TMEM237: variants seen among roughly 807,000 people sequenced by gnomAD.
TMEM237 encodes the protein transmembrane protein 237.
In TMEM237, 51 loss-of-function variants were observed where a neutral mutation model predicts 59.1. That is an observed-to-expected ratio of 0.86 (90% CI 0.69 to 1.09). The LOEUF (loss-of-function observed/expected upper bound fraction) is 1.09. Ranked by LOEUF, TMEM237 falls within the 50% of genes least tolerant of loss-of-function variation. The pLI is 0.00. For synonymous variants in TMEM237, 140 were observed against 166.1 expected, an observed-to-expected ratio of 0.84 and a Z score of 1.21; for missense variants, 475 against 478.3, an observed-to-expected ratio of 0.99 and a Z score of 0.06.
chr2:201,641,705 T>TGC (rs1275462273), intron 1 of TMEM237, among the ~76,000 whole-genome samples: 6 of 103,904 alleles, frequency 5.8e-5, no homozygotes, highest in African/African-American at 2.0e-4. Context: ...ATATCGTGTG[T>TGC]GCATATATAT....
chr2:201,629,015 G>T (rs186088452), intron 9 of TMEM237, among the ~76,000 whole-genome samples: 204 of 152,292 alleles, frequency 1.3e-3, no homozygotes, highest in African/African-American at 4.7e-3. Context: ...TTGGACTTAT[G>T]AATTGATGCT....
At chr2:201,639,669 G>C (rs1356712236) in intron 3 of TMEM237, among the ~76,000 whole-genome samples, 1 of 152,260 alleles carries the variant, frequency 6.6e-6, no homozygotes, top group South Asian at 2.1e-4. Context: ...GGTGGCACAC[G>C]CCTGTAATCC....
intron 11 of TMEM237, among the ~76,000 whole-genome samples, chr2:201,626,719 A>C (rs1322391592): frequency 6.6e-6 from 1 of 151,982 alleles, no homozygotes; most frequent in Non-Finnish European, 1.5e-5. Flanking sequence ...CTGTTCTGGG[A>C]TATGAAACTC....
intron 5 of TMEM237, chr2:201,634,427 TAAATCCAGA>T (rs1374696588): frequency 6.6e-6 from 1 of 152,270 alleles, no homozygotes; most frequent in Non-Finnish European, 1.5e-5. Context: ...ACACAATTTT[TAAATCCAGA>T]AACTTAGAAA....
In TMEM237 at chr2:201,643,178, C is replaced by T. The variant is rs1256765424; in HGVS notation, c.42+181G>A. Among the ~76,000 whole-genome samples the T allele has an allele frequency of 1.3e-5, 2 of 152,148 alleles. No homozygotes were observed. Among genetic ancestry groups the T allele is most frequent in the Non-Finnish European group, 2.9e-5 (2 of 68,018 alleles). ...CACTCCGGGAGTTCGGTCCCGGCCT[C>T]GCCTGCGTCTCCGTCCCATTCCTGT... On this transcript the variant is annotated intron_variant, in intron 1 of 12. Coordinates refer to ENST00000409883, the MANE Select transcript of TMEM237 (RefSeq NM_001044385.3). The surrounding 1 kb of genome is among the most constrained non-coding windows in gnomAD (Gnocchi z 4.3).
In TMEM237 at chr2:201,623,464, A is replaced by T. The variant is rs1350730129; in HGVS notation, c.*791T>A. The stretch of plus-strand genomic sequence containing the variant: ...TCTACTCCTATTTCTTGTCACTCAG[A>T]AAAAAGGGACAGAGGAAAGGGTACT... On this transcript the variant is annotated 3_prime_UTR_variant, in exon 13 of 13. Coordinates refer to ENST00000409883, the MANE Select transcript of TMEM237 (RefSeq NM_001044385.3). 1 of 162,332 alleles carries T rather than the reference A, an allele frequency of 6.2e-6. No individual in the cohort carries two copies. The highest frequency in any genetic ancestry group is 1.7e-4 in the South Asian group (1 of 5,724). The allele number at this position is 162,332 out of a possible 1,614,324, so 10.1% of individuals were successfully genotyped here. A position where few individuals can be genotyped will look rare whatever the true frequency, so the allele number is the denominator to read the frequency against.
In TMEM237 at chr2:201,635,986, AT is replaced by A. The variant is rs1687291396; in HGVS notation, c.274+761del. 6.6e-6 allele frequency among the ~76,000 whole-genome samples: 1 copy of A among 152,202 alleles called. No homozygotes were observed. The highest frequency in any genetic ancestry group is 2.4e-5 in the African/African-American group (1 of 41,456). On this transcript the variant is annotated intron_variant, in intron 5 of 12. Coordinates refer to ENST00000409883, the MANE Select transcript of TMEM237 (RefSeq NM_001044385.3). The surrounding 1 kb of genome is among the most constrained non-coding windows in gnomAD (Gnocchi z 4.5). ...AAAATGGGATCCTCCAATACATACT[AT>A]TTTATAACCTTTGTTCTTTGATTTA...
At chr2:201,625,939 T>C in intron 12 of TMEM237, 87 bp downstream of exon 12, 4 of 1,280,660 alleles carry the variant, frequency 3.1e-6, no homozygotes, top group Non-Finnish European at 1.1e-6. Flanking sequence ...TATTGGAATA[T>C]TATAAGCTAT....
chr2:201,641,055 G>A (rs915040252), intron 1 of TMEM237, 131 bp from the exon 2 acceptor site: 4 of 680,292 alleles, frequency 5.9e-6, no homozygotes, highest in African/African-American at 1.9e-5. Context: ...GCAACGGCAC[G>A]ATCTTGGCTC....
chr2:201,642,722 G>A (rs1296883245), intron 1 of TMEM237: 15 of 1,534,140 alleles, frequency 9.8e-6, no homozygotes, highest in Non-Finnish European at 1.3e-5. Flanking sequence ...ATGCGTCATC[G>A]GGCCGCGCCG....
Position 201,624,216 on chromosome 2 carries a change from CA to C in TMEM237, c.*38del. Reference sequence around the variant, plus strand: ...AATACATTTAAAAACAAAAATGGGACAAATACTGGGTCATTATTCCTCCAAA... The same window carrying C: ...AATACATTTAAAAACAAAAATGGGACAATACTGGGTCATTATTCCTCCAAA... On this transcript the variant is annotated 3_prime_UTR_variant, in exon 13 of 13. Transcript: ENST00000409883. The C allele has an allele frequency of 6.5e-7, 1 of 1,541,508 alleles. No individual in the cohort carries two copies. Among genetic ancestry groups the C allele is most frequent in the Non-Finnish European group, 8.9e-7 (1 of 1,120,710 alleles).
intron 6 of TMEM237, among the ~76,000 whole-genome samples, chr2:201,632,844 T>C (rs1687200258): frequency 6.6e-6 from 1 of 152,206 alleles, no homozygotes; most frequent in African/African-American, 2.4e-5. Context: ...CAAATACAAA[T>C]AATAGTGCTA....
intron 5 of TMEM237, 195 bp downstream of exon 5, chr2:201,636,553 A>G: frequency 1.7e-6 from 1 of 597,906 alleles, no homozygotes; most frequent in Non-Finnish European, 2.8e-6. Flanking sequence ...CTATACATAT[A>G]TGATCAAAAG....
chr2:201,624,312 G>C lies in TMEM237; in HGVS notation c.1170C>G (p.Phe390Leu). 1 of 1,611,270 alleles carries C rather than the reference G, an allele frequency of 6.2e-7. No individual in the cohort carries two copies. Among genetic ancestry groups the C allele is most frequent in the Non-Finnish European group, 8.5e-7 (1 of 1,178,498 alleles). Residue 390 changes from phenylalanine (F) to leucine (L), a missense_variant, in exon 13 of 13, where the codon TTC (phenylalanine) becomes TTG (leucine). Phe to Leu is a conservative substitution (Grantham distance 22). Coordinates refer to ENST00000409883, the MANE Select transcript of TMEM237 (RefSeq NM_001044385.3). ...CAGGATATTCTTCCACCTCTGAGGA[G>C]AACATTAACTCTGGAGAAGAAAATG... ...PGMDLSEELMFSSEVEEYPDK... is the reference protein window; with the variant it reads ...PGMDLSEELMLSSEVEEYPDK...
chr2:201,633,307 C>T lies in TMEM237; in HGVS notation c.395+4G>A, dbSNP rs1021762753. On this transcript the variant is annotated splice_donor_region_variant and intron_variant, in intron 6 of 12. Coordinates refer to ENST00000409883, the MANE Select transcript of TMEM237 (RefSeq NM_001044385.3). ...AATAGTTAGAAGAATAAATAAATTC[C>T]TACTTTGTCTTCCTCCGAGGTTTTT... The T allele has an allele frequency of 5.6e-6, 9 of 1,595,550 alleles. No homozygotes were observed. Among genetic ancestry groups the T allele is most frequent in the Middle Eastern group, 1.7e-4 (1 of 6,056 alleles).
Position 201,633,429 on chromosome 2 carries a change from A to G in TMEM237, c.277T>C (p.Leu93=). ...TTCTTTTGGGTGGAGGAAGTCTCCA[A>G]TTCTGAAAACAAAATAAATTTAACT... The part of the protein sequence containing the change: ...RQKKTRLPLE[L]ETSSTQKKSS... The change falls in exon 6 of 13, where the codon TTG becomes CTG. Residue 93 remains leucine (L), a splice_region_variant and synonymous_variant. Coordinates refer to ENST00000409883, the MANE Select transcript of TMEM237 (RefSeq NM_001044385.3). 1 of 1,530,876 alleles carries G rather than the reference A, an allele frequency of 6.5e-7. No homozygotes were observed. Among genetic ancestry groups the G allele is most frequent in the Non-Finnish European group, 8.8e-7 (1 of 1,140,736 alleles). 94.8% of individuals were successfully genotyped at this position (1,530,876 alleles called of 1,614,324 possible).
chr2:201,639,315 C>A (rs1687365147), intron 3 of TMEM237, among the ~76,000 whole-genome samples: 1 of 152,194 alleles, frequency 6.6e-6, no homozygotes, highest in African/African-American at 2.4e-5. Flanking sequence ...CTATATTTCC[C>A]AGCCTCCTTG....
At chr2:201,641,502 C>A (rs1041760521) in intron 1 of TMEM237, among the ~76,000 whole-genome samples, 2 of 151,858 alleles carry the variant, frequency 1.3e-5, no homozygotes, top group Non-Finnish European at 2.9e-5. Context: ...CTAGGCCAGG[C>A]CCTTTTCTAA....
chr2:201,639,244 T>C (rs1687364262), intron 3 of TMEM237, among the ~76,000 whole-genome samples, 199 bp from the exon 4 acceptor site: 1 of 152,166 alleles, frequency 6.6e-6, no homozygotes, highest in Non-Finnish European at 1.5e-5. Flanking sequence ...GCACACTGCA[T>C]GTCAGTAATG....
Sources: allele counts gnomAD v4.1 joint callset (sites outside exome capture counted in the v4.1 genomes callset), GRCh38; gene constraint gnomAD v4.1.1; non-coding constraint Gnocchi (gnomAD v3.1); transcripts MANE v1.5; gene names NCBI Gene and HGNC (gene_info 2026-07-23, HGNC 2026-07-21).